Variants in GALNT7 observed in about 807,000 individuals in gnomAD.
GALNT7 encodes the protein polypeptide N-acetylgalactosaminyltransferase 7.
GALNT7 carries 60 observed loss-of-function variants against 82.1 expected under a neutral mutation model. The ratio of observed to expected loss-of-function variants is 0.73; its 90% confidence interval spans 0.59 to 0.91. The LOEUF is 0.91. GALNT7 is among the 40% of genes least tolerant of loss of function. The pLI is 0.00. For synonymous variants in GALNT7, 243 were observed against 275.1 expected, an observed-to-expected ratio of 0.88 and a Z score of 1.15; for missense variants, 660 against 804.2, an observed-to-expected ratio of 0.82 and a Z score of 2.17.
At chr4:173,239,799 T>C (rs1256794700) in intron 1 of GALNT7, among the ~76,000 whole-genome samples, 2 of 152,230 alleles carry the variant, frequency 1.3e-5, no homozygotes, top group Non-Finnish European at 2.9e-5. Flanking sequence ...TTTTATTTTG[T>C]AATTTACCAT....
rs903260355 is a variant in GALNT7, at chr4:173,322,540, G to A, written c.*823G>A. ...CATACCTACTTCTAGGATTGCAAAG[G>A]AGTCTTCCAACTAGAGAAAAATTGT... is the stretch of plus-strand genomic sequence containing the variant. On this transcript the variant is annotated 3_prime_UTR_variant, in exon 12 of 12. Transcript: ENST00000265000. 12 of 152,130 alleles carry A rather than the reference G, an allele frequency of 7.9e-5. No individual in the cohort carries two copies. The highest frequency in any genetic ancestry group is 2.7e-4 in the African/African-American group (11 of 41,430). The allele number at this position is 152,130 out of a possible 1,614,324, so 9.4% of individuals were successfully genotyped here. A position where few individuals can be genotyped will look rare whatever the true frequency, so the allele number is the denominator to read the frequency against.
intron 1 of GALNT7, among the ~76,000 whole-genome samples, chr4:173,173,157 A>G (rs943710299): frequency 4.6e-5 from 7 of 152,162 alleles, no homozygotes; most frequent in Non-Finnish European, 1.0e-4. Flanking sequence ...CAGGAGGCCT[A>G]GGATGATAGA....
At chr4:173,217,011 G>A (rs1733493554) in intron 1 of GALNT7, among the ~76,000 whole-genome samples, 1 of 151,808 alleles carries the variant, frequency 6.6e-6, no homozygotes, top group Non-Finnish European at 1.5e-5. Flanking sequence ...GATTACAGGT[G>A]TGAGCCACCA....
At chr4:173,312,036 T>A (rs1737404618) in intron 8 of GALNT7, among the ~76,000 whole-genome samples, 1 of 152,250 alleles carries the variant, frequency 6.6e-6, no homozygotes, top group Non-Finnish European at 1.5e-5. Flanking sequence ...GCCACACTCA[T>A]TTGTTTGTGT....
intron 1 of GALNT7, among the ~76,000 whole-genome samples, chr4:173,224,836 C>T (rs1200486750): frequency 6.6e-6 from 1 of 151,468 alleles, no homozygotes; most frequent in Non-Finnish European, 1.5e-5. Flanking sequence ...CACGGTGAAA[C>T]CCCGTCTCTA....
rs1001649173 is a variant in GALNT7, at chr4:173,292,428, G to A, written c.754+154G>A. Among the ~76,000 whole-genome samples the A allele has an allele frequency of 6.6e-6, 1 of 152,186 alleles. No homozygotes were observed. Among genetic ancestry groups the A allele is most frequent in the African/African-American group, 2.4e-5 (1 of 41,438 alleles). ...GTTGACACTGTGCCAAGCATTGTAT[G>A]TGAGTTATTTTGTTTAATACTAACA... On this transcript the variant is annotated intron_variant, in intron 3 of 11. Coordinates refer to ENST00000265000, the MANE Select transcript of GALNT7 (RefSeq NM_017423.3). This position sits in a 1 kb window ranked among gnomAD's most constrained non-coding sequence, Gnocchi z 4.8.
intron 2 of GALNT7, among the ~76,000 whole-genome samples, chr4:173,272,163 T>A (rs1461970240): frequency 6.6e-6 from 1 of 152,250 alleles, no homozygotes; most frequent in Non-Finnish European, 1.5e-5. Flanking sequence ...TCCCTGTCCC[T>A]CACTGCTTCC....
intron 1 of GALNT7, among the ~76,000 whole-genome samples, chr4:173,234,549 T>G (rs2126714701): frequency 6.6e-6 from 1 of 152,188 alleles, no homozygotes; most frequent in Non-Finnish European, 1.5e-5. Flanking sequence ...TCCCTCTCCT[T>G]CATCACACAT....
chr4:173,194,948 C>G (rs1732734277), intron 1 of GALNT7, among the ~76,000 whole-genome samples: 1 of 152,136 alleles, frequency 6.6e-6, no homozygotes, highest in African/African-American at 2.4e-5. Context: ...TTTTGTAAAC[C>G]TGAAAACTCT....
intron 2 of GALNT7, among the ~76,000 whole-genome samples, chr4:173,268,429 G>A (rs891114048): frequency 2.0e-5 from 3 of 151,482 alleles, no homozygotes; most frequent in Admixed American, 6.6e-5. Context: ...CATTATTCTC[G>A]GGAGGCTGTT....
At chr4:173,192,724 C>T (rs1732662206) in intron 1 of GALNT7, among the ~76,000 whole-genome samples, 1 of 152,230 alleles carries the variant, frequency 6.6e-6, no homozygotes, top group South Asian at 2.1e-4. Context: ...ATATTATCCT[C>T]TCCACGTATA....
At chr4:173,303,323 G>C (rs781770157) in intron 7 of GALNT7, among the ~76,000 whole-genome samples, 12 of 152,126 alleles carry the variant, frequency 7.9e-5, no homozygotes, top group Non-Finnish European at 1.5e-4. Flanking sequence ...GTAGCATGGG[G>C]AAAAGTACAA....
At chr4:173,285,021 T>A (rs771926113) in intron 2 of GALNT7, among the ~76,000 whole-genome samples, 1 of 152,220 alleles carries the variant, frequency 6.6e-6, no homozygotes, top group Non-Finnish European at 1.5e-5. Context: ...AAATATATAA[T>A]ACCCTTTTGA....
intron 1 of GALNT7, among the ~76,000 whole-genome samples, chr4:173,227,590 CAA>C (rs982389653): frequency 8.3e-4 from 126 of 152,210 alleles, no homozygotes; most frequent in African/African-American, 2.8e-3. Flanking sequence ...TTCGGCCTCC[CAA>C]AGTGTTGGGA....
intron 1 of GALNT7, 48 bp from the exon 2 acceptor site, chr4:173,247,932 G>A (rs1305858638): frequency 8.1e-7 from 1 of 1,231,824 alleles, no homozygotes; most frequent in African/African-American, 1.5e-5. Flanking sequence ...CTCTACTGTG[G>A]TGGTTTGCCT....
chr4:173,257,310 G>T (rs1042022315), intron 2 of GALNT7, among the ~76,000 whole-genome samples: 10 of 152,152 alleles, frequency 6.6e-5, no homozygotes, highest in African/African-American at 2.4e-4. Flanking sequence ...CTTCAGAAAG[G>T]ATTGTAGAAG....
intron 10 of GALNT7, among the ~76,000 whole-genome samples, chr4:173,317,997 A>G (rs960204958): frequency 6.6e-6 from 1 of 152,196 alleles, no homozygotes; most frequent in African/African-American, 2.4e-5. Context: ...GTGGGAGTAT[A>G]TATTTGTCAC....
At chr4:173,201,240 T>C (rs1031613101) in intron 1 of GALNT7, among the ~76,000 whole-genome samples, 29 of 148,350 alleles carry the variant, frequency 2.0e-4, no homozygotes, top group Admixed American at 1.6e-3. Flanking sequence ...TTTTAAAAAA[T>C]AGTGTTTTAC....
At chr4:173,244,957 GT>G (rs1252315263) in intron 1 of GALNT7, among the ~76,000 whole-genome samples, 1 of 152,114 alleles carries the variant, frequency 6.6e-6, no homozygotes, top group Non-Finnish European at 1.5e-5. Flanking sequence ...TGAATGATAG[GT>G]TCAGTTTTTG....
Sources: allele counts gnomAD v4.1 joint callset (sites outside exome capture counted in the v4.1 genomes callset), GRCh38; gene constraint gnomAD v4.1.1; non-coding constraint Gnocchi (gnomAD v3.1); transcripts MANE v1.5; gene names NCBI Gene and HGNC (gene_info 2026-07-23, HGNC 2026-07-21).